Variants in ZFAT observed in about 807,000 individuals in gnomAD.
The protein encoded by ZFAT is zinc finger protein ZFAT.
In ZFAT, 64 loss-of-function variants were observed where a neutral mutation model predicts 117.7. The ratio of observed to expected loss-of-function variants is 0.54; its 90% CI spans 0.44 to 0.67. The LOEUF is 0.67. ZFAT is among the 30% of genes least tolerant of loss of function. The pLI, the probability that ZFAT is intolerant of heterozygous loss-of-function variation, is 0.00. For synonymous variants in ZFAT, 679 were observed against 615.0 expected (o/e 1.10, Z -1.54); for missense variants, 1,433 against 1,584.5 (o/e 0.90, Z 1.62).
the ZFAT span, among the ~76,000 whole-genome samples, chr8:134,719,490 T>C: frequency 1.3e-5 from 2 of 152,078 alleles, no homozygotes; most frequent in Admixed American, 6.5e-5. Flanking sequence ...AGGGTGCTGT[T>C]TGATTTAAGG....
chr8:134,696,315 G>A (rs1027295320), intron 1 of ZFAT: 9 of 923,572 alleles, frequency 9.7e-6, no homozygotes, highest in South Asian at 5.0e-5. Context: ...GCAGTACAGC[G>A]TTCCTGCCAG....
chr8:134,792,957 G>A, the ZFAT span: 1 of 152,088 alleles, frequency 6.6e-6, no homozygotes, highest in Non-Finnish European at 1.5e-5. Context: ...GTGAAAAAGG[G>A]AAGTGAAAAA....
chr8:134,496,607 G>T (rs570108708), intron 15 of ZFAT, among the ~76,000 whole-genome samples: 1 of 152,212 alleles, frequency 6.6e-6, no homozygotes, highest in Non-Finnish European at 1.5e-5. Context: ...TTTTGAATGC[G>T]TATGAAGCCT....
intron 10 of ZFAT, among the ~76,000 whole-genome samples, chr8:134,581,736 C>T (rs1029177893): frequency 5.3e-5 from 8 of 152,174 alleles, no homozygotes; most frequent in African/African-American, 1.7e-4. Flanking sequence ...AGGTGTGAGC[C>T]ACCATGCCCC....
intron 3 of ZFAT, among the ~76,000 whole-genome samples, chr8:134,632,890 T>C (rs530627136): frequency 7.1e-4 from 108 of 152,270 alleles, no homozygotes; most frequent in Middle Eastern, 3.4e-3. Flanking sequence ...GATAGCTCAC[T>C]AGTGACCAAG....
intron 1 of ZFAT, among the ~76,000 whole-genome samples, chr8:134,692,334 C>G (rs1833623811): frequency 6.6e-6 from 1 of 152,142 alleles, no homozygotes; most frequent in Non-Finnish European, 1.5e-5. Context: ...GGAAGAGAAA[C>G]CAGAACCAAG....
chr8:134,654,528 G>A (rs1831475105), intron 2 of ZFAT, among the ~76,000 whole-genome samples: 1 of 152,140 alleles, frequency 6.6e-6, no homozygotes, highest in African/African-American at 2.4e-5. Context: ...GGAGCCTACA[G>A]TACCAAGAGA....
chr8:134,637,188 G>A (rs1427691500), intron 3 of ZFAT, among the ~76,000 whole-genome samples: 1 of 152,228 alleles, frequency 6.6e-6, no homozygotes, highest in Admixed American at 6.5e-5. Context: ...CAAAGAGAGA[G>A]GCTGTGTTTT....
At chr8:134,522,440 G>A (rs1820732620) in intron 12 of ZFAT, among the ~76,000 whole-genome samples, 1 of 152,212 alleles carries the variant, frequency 6.6e-6, no homozygotes, top group Admixed American at 6.5e-5. Flanking sequence ...CCACTCTGAC[G>A]ACTATCGGCC....
chr8:134,492,287 T>C (rs114814206), intron 15 of ZFAT, among the ~76,000 whole-genome samples: 42 of 152,324 alleles, frequency 2.8e-4, no homozygotes, highest in African/African-American at 9.1e-4. Flanking sequence ...GATTCACTCA[T>C]GTCTTGTTTC....
In ZFAT at chr8:134,601,772, G is replaced by A. The variant is rs145169577; in HGVS notation, c.1947C>T (p.Gly649=). The A allele has an allele frequency of 0.012, 18,870 of 1,613,808 alleles. 265 individuals are homozygous for A. The highest frequency in any genetic ancestry group is 0.051 in the South Asian group (4,646 of 90,990). The part of the protein sequence containing the change: ...QSAGSDQESH[G]AQSPLGEGQN... ...GCCCTTCCCCTAGGGGGCTCTGGGC[G>A]CCATGGCTTTCCTGATCTGACCCAG... Residue 649 remains glycine, a synonymous_variant, in exon 6 of 16, where the codon GGC becomes GGT. Coordinates refer to ENST00000377838, the MANE Select transcript of ZFAT (RefSeq NM_020863.4).
the ZFAT span, among the ~76,000 whole-genome samples, chr8:134,832,126 G>T: frequency 0.098 from 14,635 of 149,736 alleles, 765 homozygotes; most frequent in South Asian, 0.14. Context: ...GCGCCAGGGT[G>T]AGGGGCGCGC....
upstream of ZFAT, chr8:134,713,193 G>A (rs1029918875): frequency 1.7e-5 from 4 of 242,218 alleles, no homozygotes; most frequent in South Asian, 2.6e-4. Flanking sequence ...GGATTCCGCT[G>A]CGCCGCGTTT....
intron 12 of ZFAT, among the ~76,000 whole-genome samples, chr8:134,530,270 AT>A (rs1450193188): frequency 6.6e-6 from 1 of 152,230 alleles, no homozygotes; most frequent in Non-Finnish European, 1.5e-5. Context: ...TCTCATGAAG[AT>A]ATTTTTGGGG....
chr8:134,510,314 T>C, intron 14 of ZFAT: 1 of 384,268 alleles, frequency 2.6e-6, no homozygotes, highest in Admixed American at 2.7e-5. Context: ...AGCTATTTAG[T>C]ATCCCCGCCT....
chr8:134,738,090 T>C, the ZFAT span, among the ~76,000 whole-genome samples: 1 of 152,208 alleles, frequency 6.6e-6, no homozygotes, highest in Admixed American at 6.5e-5. Context: ...GTTCCTGTAG[T>C]CTAGTGCTGC....
chr8:134,562,949 G>A (rs1409960943), intron 11 of ZFAT, among the ~76,000 whole-genome samples: 2 of 152,176 alleles, frequency 1.3e-5, no homozygotes, highest in African/African-American at 4.8e-5. Context: ...ACCAAGGAAT[G>A]ATTGAAAAGT....
Position 134,478,333 on chromosome 8 carries a change from TGGACTA to T in ZFAT, c.*143_*148del. The T allele has an allele frequency of 8.2e-7, 1 of 1,223,778 alleles. No individual in the cohort carries two copies. Among genetic ancestry groups the T allele is most frequent in the Admixed American group, 2.8e-5 (1 of 36,350 alleles). 75.8% of individuals were successfully genotyped at this position (1,223,778 alleles called of 1,614,324 possible). ...GCTGACTGCCTTGCCCACCCCAAGTTGGACTAGGAGAGTCCTATCAGGCTGCTGGGC... is the reference window on the plus strand; with the variant it reads ...GCTGACTGCCTTGCCCACCCCAAGTTGGAGAGTCCTATCAGGCTGCTGGGC... On this transcript the variant is annotated 3_prime_UTR_variant, in exon 16 of 16. Coordinates refer to ENST00000377838, the MANE Select transcript of ZFAT (RefSeq NM_020863.4). This position sits in a 1 kb window ranked among gnomAD's most constrained non-coding sequence, Gnocchi z 5.2.
intron 11 of ZFAT, among the ~76,000 whole-genome samples, chr8:134,546,998 G>T (rs1248502030): frequency 6.6e-6 from 1 of 152,222 alleles, no homozygotes; most frequent in Non-Finnish European, 1.5e-5. Flanking sequence ...ATGAGCTCAA[G>T]GAGGGGACCC....
Sources: gnomAD v4.1 joint callset for allele counts (sites outside exome capture counted in the v4.1 genomes callset) on GRCh38, gnomAD v4.1.1 for gene constraint, Gnocchi (gnomAD v3.1) non-coding constraint, MANE v1.5 for transcripts, NCBI Gene and HGNC (gene_info 2026-07-23, HGNC 2026-07-21) for gene names.